Variants in MIR2052HG observed in about 807,000 individuals in gnomAD.
MIR2052HG encodes the protein MIR2052 host gene.
At chr8:74,720,092 C>T (rs935033206) in intron 4 of MIR2052HG, among the ~76,000 whole-genome samples, 2 of 152,050 alleles carry the variant, frequency 1.3e-5, no homozygotes, top group Admixed American at 6.5e-5. Flanking sequence ...CCTCATGATC[C>T]CCCGCCTCGG....
intron 4 of MIR2052HG, among the ~76,000 whole-genome samples, chr8:74,717,586 G>C (rs182452750): frequency 6.6e-6 from 1 of 152,220 alleles, no homozygotes; most frequent in East Asian, 1.9e-4. Context: ...GGGAGGTTGA[G>C]GTGGGAGGAT....
At chr8:74,698,175 A>G (rs1809319357) in intron 2 of MIR2052HG, among the ~76,000 whole-genome samples, 1 of 152,194 alleles carries the variant, frequency 6.6e-6, no homozygotes, top group South Asian at 2.1e-4. Flanking sequence ...AACCAATGGA[A>G]CAGAATAGAG....
At chr8:74,728,088 A>G (rs980854665) in intron 4 of MIR2052HG, among the ~76,000 whole-genome samples, 2 of 152,228 alleles carry the variant, frequency 1.3e-5, no homozygotes, top group African/African-American at 4.8e-5. Flanking sequence ...TTTCCTTGGG[A>G]TGAGTTTTGT....
At chr8:74,727,590 A>G (rs1164874965) in intron 4 of MIR2052HG, among the ~76,000 whole-genome samples, 1 of 152,220 alleles carries the variant, frequency 6.6e-6, no homozygotes. Context: ...TTTGAGAACC[A>G]CCATCACAAC....
chr8:74,697,921 A>G (rs1461858892), intron 2 of MIR2052HG, among the ~76,000 whole-genome samples: 6 of 152,180 alleles, frequency 3.9e-5, no homozygotes, highest in Admixed American at 2.6e-4. Flanking sequence ...TGTGAAAATG[A>G]TCATGCTGCC....
chr8:74,638,058 A>T (rs963566806), intron 2 of MIR2052HG, among the ~76,000 whole-genome samples: 5 of 152,180 alleles, frequency 3.3e-5, no homozygotes, highest in Admixed American at 3.3e-4. Context: ...ACAAAAAATT[A>T]TAGGGATATT....
chr8:74,619,983 T>C (rs1808338411), intron 2 of MIR2052HG, among the ~76,000 whole-genome samples: 1 of 152,188 alleles, frequency 6.6e-6, no homozygotes, highest in South Asian at 2.1e-4. Flanking sequence ...AGCAAGTTAG[T>C]TACTTCCTAG....
intron 2 of MIR2052HG, among the ~76,000 whole-genome samples, chr8:74,645,208 A>G (rs188993897): frequency 1.3e-5 from 2 of 152,332 alleles, no homozygotes; most frequent in East Asian, 3.9e-4. Flanking sequence ...GTTGGGGAAA[A>G]AGGTGACCTT....
At chr8:74,631,724 G>A (rs752160133) in intron 2 of MIR2052HG, among the ~76,000 whole-genome samples, 17 of 152,168 alleles carry the variant, frequency 1.1e-4, no homozygotes, top group Non-Finnish European at 1.8e-4. Flanking sequence ...TTTATTTCCT[G>A]TATTTTTGGA....
intron 5 of MIR2052HG, among the ~76,000 whole-genome samples, chr8:74,755,680 G>C (rs1809992387): frequency 2.0e-5 from 3 of 152,124 alleles, no homozygotes; most frequent in Admixed American, 2.0e-4. Context: ...CCCTGTCTTG[G>C]TTCATGCGCT....
chr8:74,666,587 A>G (rs975465192), intron 2 of MIR2052HG, among the ~76,000 whole-genome samples: 1 of 152,170 alleles, frequency 6.6e-6, no homozygotes, highest in Admixed American at 6.5e-5. Flanking sequence ...GATGACCTCA[A>G]TGTATATTGG....
At chr8:74,664,933 C>G (rs943526086) in intron 2 of MIR2052HG, among the ~76,000 whole-genome samples, 1 of 152,198 alleles carries the variant, frequency 6.6e-6, no homozygotes, top group African/African-American at 2.4e-5. Context: ...TATCCTGTTA[C>G]CAGCATCATA....
At chr8:74,693,316 G>A (rs1380507919) in intron 2 of MIR2052HG, among the ~76,000 whole-genome samples, 1 of 152,162 alleles carries the variant, frequency 6.6e-6, no homozygotes, top group Non-Finnish European at 1.5e-5. Flanking sequence ...TTGTCTCACA[G>A]GGGTCCTTGG....
At chr8:74,684,850 A>C (rs147882863) in intron 2 of MIR2052HG, among the ~76,000 whole-genome samples, 1 of 152,120 alleles carries the variant, frequency 6.6e-6, no homozygotes, top group African/African-American at 2.4e-5. Flanking sequence ...TTCTCCAGCT[A>C]TGCTGACAAT....
intron 5 of MIR2052HG, among the ~76,000 whole-genome samples, chr8:74,756,149 A>G (rs886769792): frequency 2.6e-5 from 4 of 152,332 alleles, no homozygotes; most frequent in African/African-American, 9.6e-5. Flanking sequence ...TATAATTAGA[A>G]TTATAGTTTC....
chr8:74,671,271 T>C (rs1208811053), intron 2 of MIR2052HG, among the ~76,000 whole-genome samples: 1 of 152,148 alleles, frequency 6.6e-6, no homozygotes, highest in African/African-American at 2.4e-5. Flanking sequence ...GAAACTCCTA[T>C]GCATTTTGTG....
At chr8:74,677,481 C>G (rs1022252645) in intron 2 of MIR2052HG, among the ~76,000 whole-genome samples, 7 of 152,064 alleles carry the variant, frequency 4.6e-5, no homozygotes, top group African/African-American at 1.7e-4. Flanking sequence ...ATGCAAACAA[C>G]ATCACACTGG....
At chr8:74,746,874 T>C (rs1415097562) in intron 4 of MIR2052HG, among the ~76,000 whole-genome samples, 1 of 152,038 alleles carries the variant, frequency 6.6e-6, no homozygotes, top group Non-Finnish European at 1.5e-5. Flanking sequence ...AGTTGAAAGC[T>C]AAACTGAAGA....
intron 2 of MIR2052HG, among the ~76,000 whole-genome samples, chr8:74,615,880 C>T (rs1352788324): frequency 3.9e-5 from 6 of 152,034 alleles, no homozygotes; most frequent in African/African-American, 1.2e-4. Context: ...TCTGTCCTTG[C>T]GATAGTTTGC....
Sources: allele counts gnomAD v4.1 joint callset (sites outside exome capture counted in the v4.1 genomes callset), GRCh38; gene constraint gnomAD v4.1.1; transcripts MANE v1.5; gene names NCBI Gene and HGNC (gene_info 2026-07-23, HGNC 2026-07-21).